The following WEE1 variants were observed in gnomAD, a reference collection of about 807,000 sequenced individuals.
The protein encoded by WEE1 is wee1-like protein kinase.
A neutral mutation model predicts 68.8 loss-of-function variants in WEE1; 16 were observed. That is an observed-to-expected ratio of 0.23 (90% CI 0.16 to 0.35). The LOEUF (loss-of-function observed/expected upper bound fraction) is 0.35, where lower values mean the gene tolerates loss of function less well. Among genes scored for constraint, WEE1 ranks in the 10% least tolerant of loss-of-function variants. The probability of loss-of-function intolerance (pLI) is 1.00; values close to 1 mark genes in which losing one functional copy is unlikely to be tolerated. For missense variants in WEE1, 651 were observed against 824.1 expected, an observed-to-expected ratio of 0.79 and a Z score of 2.57; for synonymous variants, 349 against 318.7, an observed-to-expected ratio of 1.09 and a Z score of -1.01.
chr11:9,579,023 C>T (rs1361879977), intron 5 of WEE1: 1 of 151,982 alleles, frequency 6.6e-6, no homozygotes, highest in Admixed American at 6.6e-5. Flanking sequence ...TCTCCTGCCT[C>T]AGCCTTTTGA....
chr11:9,586,262 A>G (rs945486010), intron 8 of WEE1, among the ~76,000 whole-genome samples, 187 bp from the exon 9 acceptor site: 5 of 152,138 alleles, frequency 3.3e-5, no homozygotes, highest in Non-Finnish European at 5.9e-5. Context: ...AGTGTGTATT[A>G]CTTTGTAATT....
intron 5 of WEE1, chr11:9,579,418 A>G (rs906581915): frequency 6.6e-6 from 1 of 152,142 alleles, no homozygotes; most frequent in South Asian, 2.1e-4. Context: ...TGAGTAACTG[A>G]TTCCCTTTAT....
Position 9,575,663 on chromosome 11 carries a change from G to C in WEE1, c.577-225G>C, listed in dbSNP as rs887575119. 13 of 559,324 alleles carry C rather than the reference G, an allele frequency of 2.3e-5. No individual in the cohort carries two copies. In the African/African-American group the frequency reaches 2.4e-4, roughly 11 times the overall value. 34.6% of individuals were successfully genotyped at this position (559,324 alleles called of 1,614,324 possible). A position where few individuals can be genotyped will look rare whatever the true frequency, so the allele number is the denominator to read the frequency against. The stretch of plus-strand genomic sequence containing the variant: ...AGCATTTATATTCTTTTTAGGGTTA[G>C]AGGCAGATTTTACTTGGCTATTTTT... On this transcript the variant is annotated intron_variant, in intron 1 of 10. Transcript: ENST00000450114.
At chr11:9,586,672 A>C (rs1380148827) in intron 9 of WEE1, 39 bp from the exon 10 acceptor site, 3 of 1,611,220 alleles carry the variant, frequency 1.9e-6, no homozygotes, top group Non-Finnish European at 2.5e-6. Flanking sequence ...TATTTTATTA[A>C]ATGCATGTCT....
chr11:9,586,997 T>A, intron 10 of WEE1, 141 bp downstream of exon 10: 1 of 943,400 alleles, frequency 1.1e-6, no homozygotes, highest in Non-Finnish European at 1.5e-6. Flanking sequence ...AGGGTCTCAC[T>A]GTCATCAGGC....
At position 9,589,197 on chromosome 11, in the gene WEE1, ATTG is replaced by A. The variant is rs1200419331; in HGVS notation, c.*601_*603del. 1.2e-5 allele frequency: 12 copies of A among 984,622 alleles called. No homozygotes were observed. The highest frequency in any genetic ancestry group is 5.2e-4 in the Middle Eastern group (1 of 1,910). 61.0% of individuals were successfully genotyped at this position (984,622 alleles called of 1,614,324 possible). A position where few individuals can be genotyped will look rare whatever the true frequency, so the allele number is the denominator to read the frequency against. ...TGTAAACTTGTAGCATTAAACAATCATTGTTGTTAATAGGTCTTCTTTTTGAAA... is the reference window on the plus strand; with the variant it reads ...TGTAAACTTGTAGCATTAAACAATCATTGTTAATAGGTCTTCTTTTTGAAA... On this transcript the variant is annotated 3_prime_UTR_variant, in exon 11 of 11. Coordinates refer to ENST00000450114, the MANE Select transcript of WEE1 (RefSeq NM_003390.4).
intron 10 of WEE1, among the ~76,000 whole-genome samples, chr11:9,587,887 T>C (rs983798888): frequency 6.6e-6 from 1 of 152,176 alleles, no homozygotes; most frequent in Admixed American, 6.5e-5. Context: ...TTCATACAAA[T>C]AGGAAATAAA....
At chr11:9,585,551 A>G (rs1181936327) in intron 8 of WEE1, 24 bp downstream of exon 8, 4 of 1,546,296 alleles carry the variant, frequency 2.6e-6, no homozygotes, top group Middle Eastern at 1.7e-4. Context: ...TCCCTTAATC[A>G]TAGTTTGCTT....
intron 6 of WEE1, 127 bp from the exon 7 acceptor site, chr11:9,585,130 TG>T: frequency 1.4e-6 from 1 of 732,990 alleles, no homozygotes; most frequent in Non-Finnish European, 2.2e-6. Context: ...GCTTATTCCA[TG>T]GGTTTGGGCT....
In WEE1 at chr11:9,588,828, G is replaced by GTTACT; in HGVS notation, c.*230_*231insTTTAC. On this transcript the variant is annotated 3_prime_UTR_variant, in exon 11 of 11. Transcript: ENST00000450114. ...TCTGTAGGATGTGTCACTGTTGGAT[G>GTTACT]TTACACCAGCCTTTCCAGGGTTAAC... 8.9e-7 allele frequency: 1 copy of GTTACT among 1,125,114 alleles called. No individual in the cohort carries two copies. The highest frequency in any genetic ancestry group is 1.1e-6 in the Non-Finnish European group (1 of 917,370). The allele number at this position is 1,125,114 out of a possible 1,614,324, so 69.7% of individuals were successfully genotyped here. A position where few individuals can be genotyped will look rare whatever the true frequency, so the allele number is the denominator to read the frequency against.
rs1408828290 is a variant in WEE1 at position 9,573,905 on chromosome 11, C to G, written c.-29C>G. 3 of 1,237,172 alleles carry G rather than the reference C, an allele frequency of 2.4e-6. No individual in the cohort carries two copies. 76.6% of individuals were successfully genotyped at this position (1,237,172 alleles called of 1,614,324 possible). A position where few individuals can be genotyped will look rare whatever the true frequency, so the allele number is the denominator to read the frequency against. On this transcript the variant is annotated 5_prime_UTR_variant, in exon 1 of 11. Coordinates refer to ENST00000450114, the MANE Select transcript of WEE1 (RefSeq NM_003390.4). ...CTGGACCCCGCAGGCCTCCGCTCTC[C>G]TGTCCTCGGCCCCGTCCCCAGGGCC... is the stretch of plus-strand genomic sequence containing the variant.
chr11:9,577,184 A>G lies in WEE1; in HGVS notation c.1062A>G (p.Gly354=). 1 of 1,613,986 alleles carries G rather than the reference A, an allele frequency of 6.2e-7. No homozygotes were observed. Among genetic ancestry groups the G allele is most frequent in the Non-Finnish European group, 8.5e-7 (1 of 1,179,884 alleles). The change falls in exon 5 of 11, where the codon GGA becomes GGG. Residue 354 remains glycine, a synonymous_variant. Coordinates refer to ENST00000450114, the MANE Select transcript of WEE1 (RefSeq NM_003390.4). ...LREVYAHAVL[G]QHSHVVRYFS... is the part of the protein sequence containing the mutation. ...AAGTATATGCTCATGCAGTGCTTGGACAGCATTCTCATGTAGTTCGATATT... is the reference window on the plus strand; with the variant it reads ...AAGTATATGCTCATGCAGTGCTTGGGCAGCATTCTCATGTAGTTCGATATT...
chr11:9,583,846 T>TATAC (rs1849670272), intron 6 of WEE1, among the ~76,000 whole-genome samples: 1 of 100,350 alleles, frequency 1.0e-5, no homozygotes, highest in Non-Finnish European at 1.9e-5. Flanking sequence ...TATATATATA[T>TATAC]ACTTTTTTTT....
rs756149856 is a variant in WEE1, at chr11:9,575,865, T to C, written c.577-23T>C. The C allele has an allele frequency of 2.2e-5, 36 of 1,609,606 alleles. No homozygotes were observed. In the Middle Eastern group the frequency reaches 5.0e-4, roughly 22 times the overall value. On this transcript the variant is annotated intron_variant, in intron 1 of 10. Transcript: ENST00000450114. ...TATAGGACTTGGATCCTAAAAATTG[T>C]ATTTGTATTTTTCTTTCCCTAGAGT...
At position 9,588,638 on chromosome 11, in the gene WEE1, C is replaced by A; in HGVS notation, c.*36C>A. On this transcript the variant is annotated 3_prime_UTR_variant, in exon 11 of 11. Coordinates refer to ENST00000450114, the MANE Select transcript of WEE1 (RefSeq NM_003390.4). The stretch of plus-strand genomic sequence containing the variant: ...TCCCACCTCCCCCTGAACACTGTGA[C>A]AAGAGGAAGCTAGGTTGAAATCACT... 6.8e-7 allele frequency: 1 copy of A among 1,464,080 alleles called. No individual in the cohort carries two copies. The highest frequency in any genetic ancestry group is 1.5e-5 in the South Asian group (1 of 66,784). 90.7% of individuals were successfully genotyped at this position (1,464,080 alleles called of 1,614,324 possible).
chr11:9,580,909 G>A (rs972209657), intron 5 of WEE1: 2 of 152,346 alleles, frequency 1.3e-5, no homozygotes, highest in Non-Finnish European at 2.9e-5. Context: ...GACCTGAGCT[G>A]GGCGTGGTGG....
intron 6 of WEE1, among the ~76,000 whole-genome samples, chr11:9,584,959 C>G (rs1178963595): frequency 6.6e-6 from 1 of 152,122 alleles, no homozygotes; most frequent in African/African-American, 2.4e-5. Context: ...GTAGTCCCAG[C>G]TACTCAGGAG....
intron 5 of WEE1, 124 bp downstream of exon 5, chr11:9,577,387 C>T: frequency 4.0e-6 from 5 of 1,259,370 alleles, no homozygotes; most frequent in Non-Finnish European, 5.5e-6. Context: ...AGATCAGAGA[C>T]CTAACATAAA....
chr11:9,576,165 G>C lies in WEE1; in HGVS notation c.783-65G>C. 3 of 1,603,086 alleles carry C rather than the reference G, an allele frequency of 1.9e-6. No individual in the cohort carries two copies. The highest frequency in any genetic ancestry group is 2.6e-6 in the Non-Finnish European group (3 of 1,173,232). On this transcript the variant is annotated intron_variant, in intron 2 of 10. Transcript: ENST00000450114. This position sits in a 1 kb window ranked among gnomAD's most constrained non-coding sequence, Gnocchi z 4.3. ...GGTTTGGTATACTTATCAAAATTTA[G>C]TTCCTATTTAATGGCATGGATGTAT...
Sources: gnomAD v4.1 joint callset for allele counts (sites outside exome capture counted in the v4.1 genomes callset) on GRCh38, gnomAD v4.1.1 for gene constraint, Gnocchi (gnomAD v3.1) non-coding constraint, MANE v1.5 for transcripts, NCBI Gene and HGNC (gene_info 2026-07-23, HGNC 2026-07-21) for gene names.